Variants in CNTN5 observed in about 807,000 individuals in gnomAD.
The protein encoded by CNTN5 is contactin 5.
A neutral mutation model predicts 129.1 loss-of-function variants in CNTN5; 77 were observed. The ratio of observed to expected loss-of-function variants is 0.60; its 90% confidence interval spans 0.50 to 0.72. The LOEUF (loss-of-function observed/expected upper bound fraction) is 0.72. CNTN5 is among the 30% of genes least tolerant of loss of function. The pLI is 0.00. For synonymous variants in CNTN5, 509 were observed against 465.6 expected (o/e 1.09, Z -1.20); for missense variants, 1,478 against 1,328.8 (o/e 1.11, Z -1.75).
At chr11:99,675,449 G>C (rs536562353) in intron 3 of CNTN5, among the ~76,000 whole-genome samples, 1 of 152,248 alleles carries the variant, frequency 6.6e-6, no homozygotes, top group East Asian at 1.9e-4. Flanking sequence ...TTGGGAGGCC[G>C]AGGAGGGCAG....
chr11:99,819,422 C>A (rs1442403205), intron 3 of CNTN5, 122 bp from the exon 4 acceptor site: 4 of 757,704 alleles, frequency 5.3e-6, no homozygotes, highest in African/African-American at 1.8e-5. Flanking sequence ...TCACTGTAAT[C>A]TGAATTTGCT....
At chr11:99,943,982 T>A (rs1197108311) in intron 7 of CNTN5, among the ~76,000 whole-genome samples, 2 of 152,122 alleles carry the variant, frequency 1.3e-5, no homozygotes, top group African/African-American at 4.8e-5. Flanking sequence ...CCTCCAGCTT[T>A]GTTGTTTTTG....
chr11:99,658,771 C>G (rs1188510687), intron 3 of CNTN5, among the ~76,000 whole-genome samples: 1 of 148,840 alleles, frequency 6.7e-6, no homozygotes, highest in African/African-American at 2.5e-5. Context: ...GCCTGTAATC[C>G]CAGCTACTAG....
chr11:99,060,380 A>G (rs1864823608), intron 1 of CNTN5, among the ~76,000 whole-genome samples: 1 of 152,176 alleles, frequency 6.6e-6, no homozygotes, highest in African/African-American at 2.4e-5. Flanking sequence ...TATCTGAGAA[A>G]GTTTTTATTT....
intron 3 of CNTN5, among the ~76,000 whole-genome samples, chr11:99,691,413 T>C (rs553069823): frequency 2.6e-5 from 4 of 152,198 alleles, no homozygotes; most frequent in Admixed American, 2.6e-4. Context: ...CTTAACACTG[T>C]GGTAGCTGTG....
chr11:99,628,313 C>G (rs943524821), intron 3 of CNTN5, among the ~76,000 whole-genome samples: 9 of 151,990 alleles, frequency 5.9e-5, no homozygotes, highest in Admixed American at 1.3e-4. Flanking sequence ...AGAGACAACA[C>G]TGCCTAAAAG....
chr11:99,741,307 A>G (rs1423902866), intron 3 of CNTN5, among the ~76,000 whole-genome samples: 1 of 152,128 alleles, frequency 6.6e-6, no homozygotes, highest in Non-Finnish European at 1.5e-5. Context: ...TAGCTACGGA[A>G]CTATATTTGT....
intron 3 of CNTN5, among the ~76,000 whole-genome samples, chr11:99,610,379 T>C (rs627986): frequency 0.97 from 147,904 of 152,198 alleles, 72,009 homozygotes; most frequent in East Asian, 1. Context: ...CCCACACCAA[T>C]ATTTAGGACC....
At chr11:99,211,833 C>G (rs1279327960) in intron 1 of CNTN5, among the ~76,000 whole-genome samples, 1 of 151,986 alleles carries the variant, frequency 6.6e-6, no homozygotes, top group African/African-American at 2.4e-5. Flanking sequence ...GACACTTATC[C>G]TTTTTAAAAA....
At chr11:99,914,610 C>G (rs1949741726) in intron 6 of CNTN5, among the ~76,000 whole-genome samples, 1 of 152,034 alleles carries the variant, frequency 6.6e-6, no homozygotes, top group Non-Finnish European at 1.5e-5. Flanking sequence ...AAGTAACAAT[C>G]CCCCAGAAAA....
chr11:100,272,615 G>C (rs1216154067), intron 18 of CNTN5, among the ~76,000 whole-genome samples: 1 of 152,150 alleles, frequency 6.6e-6, no homozygotes, highest in Non-Finnish European at 1.5e-5. Flanking sequence ...CAGAGGACTA[G>C]AGTGCTCCTA....
intron 2 of CNTN5, among the ~76,000 whole-genome samples, chr11:99,444,214 G>C (rs966763527): frequency 6.6e-6 from 1 of 151,984 alleles, no homozygotes; most frequent in Non-Finnish European, 1.5e-5. Context: ...GAAAGAGAGA[G>C]AGAGAGAAAG....
At chr11:99,667,666 G>A (rs1445112896) in intron 3 of CNTN5, among the ~76,000 whole-genome samples, 2 of 152,108 alleles carry the variant, frequency 1.3e-5, no homozygotes, top group African/African-American at 2.4e-5. Context: ...GAAGCTGGAA[G>A]CCATCATCCT....
chr11:99,840,939 C>T (rs1184863666), intron 4 of CNTN5, among the ~76,000 whole-genome samples: 2 of 152,046 alleles, frequency 1.3e-5, no homozygotes, highest in African/African-American at 4.8e-5. Context: ...CTCAGTATAT[C>T]TATAATCTCT....
In CNTN5 at chr11:99,374,763, A is replaced by G. The variant is rs370662550; in HGVS notation, c.-71+49279A>G. Among the ~76,000 whole-genome samples, 11 of 152,204 alleles carry G rather than the reference A, an allele frequency of 7.2e-5. No individual in the cohort carries two copies. In the South Asian group the frequency reaches 1.0e-3, roughly 14 times the overall value. Reference sequence around the variant, plus strand: ...GAGGTAAAAAGGAAATGAGTGTAAAAGAGATATCATTTGTGACCTCCAGAC... The same window carrying G: ...GAGGTAAAAAGGAAATGAGTGTAAAGGAGATATCATTTGTGACCTCCAGAC... On this transcript the variant is annotated intron_variant, in intron 2 of 24. Transcript: ENST00000524871.
intron 7 of CNTN5, among the ~76,000 whole-genome samples, chr11:99,953,996 C>G (rs1470764863): frequency 6.6e-6 from 1 of 151,904 alleles, no homozygotes; most frequent in Non-Finnish European, 1.5e-5. Flanking sequence ...AGTCTTTAAT[C>G]CATCTTGAGT....
intron 1 of CNTN5, among the ~76,000 whole-genome samples, chr11:99,229,302 C>T (rs1187302520): frequency 1.3e-5 from 2 of 151,844 alleles, no homozygotes; most frequent in Admixed American, 1.3e-4. Context: ...TGGCTTAAAT[C>T]GCTCTTACTG....
At chr11:100,012,718 G>T (rs926088157) in intron 9 of CNTN5, among the ~76,000 whole-genome samples, 1 of 152,118 alleles carries the variant, frequency 6.6e-6, no homozygotes, top group African/African-American at 2.4e-5. Context: ...GTTGCTAAGA[G>T]TAATTTTTAC....
Position 99,706,187 on chromosome 11 carries a change from C to T in CNTN5, c.56-113357C>T, listed in dbSNP as rs933499238. Among the ~76,000 whole-genome samples, 3 of 151,238 alleles carry T rather than the reference C, an allele frequency of 2.0e-5. No homozygotes were observed. In the Admixed American group the frequency reaches 2.0e-4, roughly 10 times the overall value. ...GAAGGGGGAACAAATCTGATGAGAG[C>T]AGTTGGTTGGGTTTCACAAGTGTGC... On this transcript the variant is annotated intron_variant, in intron 3 of 24. Transcript: ENST00000524871.
Sources: allele counts gnomAD v4.1 joint callset (sites outside exome capture counted in the v4.1 genomes callset), GRCh38; gene constraint gnomAD v4.1.1; transcripts MANE v1.5; gene names NCBI Gene and HGNC (gene_info 2026-07-23, HGNC 2026-07-21).